Variants in CCR5AS observed in about 807,000 individuals in gnomAD.
The protein encoded by CCR5AS is CCR5 antisense RNA.
chr3:46,400,191 A>G (rs1701995088), intron 1 of CCR5AS, among the ~76,000 whole-genome samples: 1 of 152,074 alleles, frequency 6.6e-6, no homozygotes. Flanking sequence ...GGGTCTCGCC[A>G]TGTTGCCCAA....
At chr3:46,369,944 G>A (rs1380870934) in intron 3 of CCR5AS, among the ~76,000 whole-genome samples, 1 of 152,072 alleles carries the variant, frequency 6.6e-6, no homozygotes, top group Non-Finnish European at 1.5e-5. Context: ...TTTTATTCTA[G>A]AGCCAAGGTC....
intron 2 of CCR5AS, among the ~76,000 whole-genome samples, chr3:46,382,130 G>C (rs760440759): frequency 1.3e-5 from 2 of 152,206 alleles, no homozygotes; most frequent in Non-Finnish European, 2.9e-5. Context: ...ATAGGAAAAG[G>C]CTATCTGGGG....
chr3:46,380,382 A>G (rs1219457566), intron 2 of CCR5AS, among the ~76,000 whole-genome samples: 1 of 152,234 alleles, frequency 6.6e-6, no homozygotes. Flanking sequence ...AAGAGAAAAT[A>G]ATTTAAAAAA....
chr3:46,386,932 G>A (rs1440932670), intron 2 of CCR5AS, among the ~76,000 whole-genome samples: 1 of 152,116 alleles, frequency 6.6e-6, no homozygotes, highest in Admixed American at 6.5e-5. Flanking sequence ...TTGGTCATAT[G>A]TTTGTAATTG....
intron 2 of CCR5AS, among the ~76,000 whole-genome samples, chr3:46,377,331 C>T (rs1701771497): frequency 6.6e-6 from 1 of 152,168 alleles, no homozygotes; most frequent in East Asian, 1.9e-4. Flanking sequence ...TATTCACCAA[C>T]TCTGGGGTGA....
chr3:46,379,811 C>G (rs1455290175), intron 2 of CCR5AS, among the ~76,000 whole-genome samples: 1 of 151,946 alleles, frequency 6.6e-6, no homozygotes, highest in Admixed American at 6.6e-5. Context: ...GCAGGAGAAT[C>G]GCTTGAACCT....
At chr3:46,365,315 A>G (rs1701589061) in intron 3 of CCR5AS, among the ~76,000 whole-genome samples, 1 of 152,180 alleles carries the variant, frequency 6.6e-6, no homozygotes, top group Admixed American at 6.5e-5. Flanking sequence ...AGCCATCAAC[A>G]TCAAAACAAG....
At chr3:46,394,056 C>T (rs191943970) in intron 1 of CCR5AS, among the ~76,000 whole-genome samples, 1 of 152,360 alleles carries the variant, frequency 6.6e-6, no homozygotes, top group East Asian at 1.9e-4. Flanking sequence ...TCCCACCCCA[C>T]AGTTACTAAT....
intron 1 of CCR5AS, among the ~76,000 whole-genome samples, chr3:46,398,887 T>G (rs1174926128): frequency 6.6e-6 from 1 of 152,206 alleles, no homozygotes; most frequent in African/African-American, 2.4e-5. Context: ...GGAAACCCAG[T>G]AGGATTGGGT....
intron 2 of CCR5AS, chr3:46,372,952 C>T (rs369206494): frequency 1.4e-5 from 23 of 1,610,732 alleles, no homozygotes; most frequent in Non-Finnish European, 1.8e-5. Context: ...TATTATACAT[C>T]GGAGCCCTGC....
chr3:46,390,119 T>C (rs1575285563), intron 2 of CCR5AS, among the ~76,000 whole-genome samples: 1 of 152,058 alleles, frequency 6.6e-6, no homozygotes, highest in East Asian at 1.9e-4. Flanking sequence ...GCCAAAGTAA[T>C]GTGGGCTGTC....
intron 3 of CCR5AS, among the ~76,000 whole-genome samples, chr3:46,366,124 G>A (rs1701596092): frequency 6.6e-6 from 1 of 152,210 alleles, no homozygotes; most frequent in South Asian, 2.1e-4. Flanking sequence ...ACTGGAGTGA[G>A]AGGAGTTGAT....
chr3:46,392,473 G>C (rs951426963), intron 2 of CCR5AS, among the ~76,000 whole-genome samples: 16 of 152,176 alleles, frequency 1.1e-4, no homozygotes, highest in African/African-American at 3.6e-4. Flanking sequence ...CATGGAGAAG[G>C]GGGGAGGTGA....
At chr3:46,387,733 C>T (rs1301033488) in intron 2 of CCR5AS, among the ~76,000 whole-genome samples, 1 of 152,058 alleles carries the variant, frequency 6.6e-6, no homozygotes, top group Non-Finnish European at 1.5e-5. Context: ...TTTGTGTGAG[C>T]AATTAAGCTT....
intron 2 of CCR5AS, among the ~76,000 whole-genome samples, chr3:46,371,904 G>A (rs1004632612): frequency 2.6e-5 from 4 of 152,132 alleles, no homozygotes; most frequent in African/African-American, 7.2e-5. Flanking sequence ...ACATCTGATG[G>A]TCTTGCCTTT....
intron 2 of CCR5AS, among the ~76,000 whole-genome samples, chr3:46,386,456 G>C (rs907248935): frequency 6.6e-6 from 1 of 152,164 alleles, no homozygotes; most frequent in Admixed American, 6.5e-5. Context: ...CTCAGAGAAG[G>C]GGCAGGAGGA....
intron 2 of CCR5AS, among the ~76,000 whole-genome samples, chr3:46,384,808 C>G (rs1701843808): frequency 1.3e-5 from 2 of 151,880 alleles, no homozygotes; most frequent in African/African-American, 4.8e-5. Context: ...GCACAGCTGA[C>G]TTGAGATAGA....
chr3:46,373,731 C>A (rs1325207524), intron 2 of CCR5AS: 2 of 1,613,788 alleles, frequency 1.2e-6, no homozygotes, highest in Non-Finnish European at 1.7e-6. Flanking sequence ...CAGGTTGGAC[C>A]AAGCTATGCA....
intron 2 of CCR5AS, among the ~76,000 whole-genome samples, chr3:46,372,504 G>A (rs1701676678): frequency 6.6e-6 from 1 of 151,708 alleles, no homozygotes; most frequent in Admixed American, 6.6e-5. Context: ...ACTCCAGCCT[G>A]GGCGACAGAG....
Sources: gnomAD v4.1 joint callset for allele counts (sites outside exome capture counted in the v4.1 genomes callset) on GRCh38, gnomAD v4.1.1 for gene constraint, MANE v1.5 for transcripts, NCBI Gene and HGNC (gene_info 2026-07-23, HGNC 2026-07-21) for gene names.